Variants in AIG1 observed in about 807,000 individuals in gnomAD.
The protein encoded by AIG1 is androgen-induced gene 1 protein.
Under a neutral mutation model 31.4 loss-of-function variants are expected in AIG1, and 23 were observed. The observed-to-expected ratio is 0.73, with a 90% CI of 0.53 to 1.04. The LOEUF (loss-of-function observed/expected upper bound fraction) is 1.04, where lower values mean the gene tolerates loss of function less well. Among genes scored for constraint, AIG1 ranks in the 50% least tolerant of loss-of-function variants. The probability of loss-of-function intolerance (pLI) is 0.00; values close to 1 mark genes in which losing one functional copy is unlikely to be tolerated. For missense variants in AIG1, 274 were observed against 295.0 expected (o/e 0.93, Z 0.52); for synonymous variants, 100 against 110.5 (o/e 0.90, Z 0.60).
chr6:143,177,670 T>C (rs544353130), intron 3 of AIG1, among the ~76,000 whole-genome samples: 3 of 152,206 alleles, frequency 2.0e-5, no homozygotes, highest in South Asian at 4.1e-4. Flanking sequence ...CAGATCAGTT[T>C]GGGGGCTCCG....
intron 1 of AIG1, among the ~76,000 whole-genome samples, chr6:143,098,668 A>G (rs1188291506): frequency 6.6e-6 from 1 of 152,216 alleles, no homozygotes; most frequent in African/African-American, 2.4e-5. Context: ...CTTATGTTAA[A>G]AAACTTTTCT....
chr6:143,078,620 A>G (rs1176851258), intron 1 of AIG1, among the ~76,000 whole-genome samples: 3 of 152,202 alleles, frequency 2.0e-5, no homozygotes, highest in Non-Finnish European at 4.4e-5. Context: ...GGCAGGAAAG[A>G]CAGAATGAGA....
intron 1 of AIG1, among the ~76,000 whole-genome samples, chr6:143,121,693 G>T (rs1007833669): frequency 2.6e-5 from 4 of 152,178 alleles, no homozygotes; most frequent in Non-Finnish European, 4.4e-5. Context: ...TAAACCATAG[G>T]TATTTTATTT....
chr6:143,307,030 G>A (rs1236545320), intron 4 of AIG1, among the ~76,000 whole-genome samples: 5 of 152,014 alleles, frequency 3.3e-5, no homozygotes, highest in South Asian at 2.1e-4. Flanking sequence ...CGTAGTTCTC[G>A]AGCCTTGGCT....
intron 5 of AIG1, chr6:143,339,203 G>A (rs1309047726): frequency 6.6e-6 from 1 of 152,278 alleles, no homozygotes; most frequent in Non-Finnish European, 1.5e-5. Context: ...AAAATCCAAA[G>A]TCCTTGCCTT....
intron 2 of AIG1, among the ~76,000 whole-genome samples, chr6:143,151,032 A>G (rs921898500): frequency 6.6e-6 from 1 of 152,244 alleles, no homozygotes; most frequent in Non-Finnish European, 1.5e-5. Context: ...GAAAGATTGC[A>G]GACTCGTGGA....
chr6:143,218,815 C>T (rs1303804690), intron 3 of AIG1, among the ~76,000 whole-genome samples: 1 of 152,184 alleles, frequency 6.6e-6, no homozygotes, highest in East Asian at 1.9e-4. Context: ...CTTTCTGACC[C>T]CTGATTCCAT....
rs2128726888 is a variant in AIG1, at chr6:143,338,036, C to T, written c.680-1603C>T. On this transcript the variant is annotated intron_variant, in intron 5 of 5. Coordinates refer to ENST00000357847, the MANE Select transcript of AIG1 (RefSeq NM_016108.4). The surrounding 1 kb of genome is among the most constrained non-coding windows in gnomAD (Gnocchi z 4.3). ...CCTCTCTAGGTCAATGAATACCCCC[C>T]GTTCTCCACCCGCGCTTTTGAAGAT... is the stretch of plus-strand genomic sequence containing the variant. 1 of 398,662 alleles carries T rather than the reference C, an allele frequency of 2.5e-6. No homozygotes were observed. The highest frequency in any genetic ancestry group is 4.4e-6 in the Non-Finnish European group (1 of 226,100). 24.7% of individuals were successfully genotyped at this position (398,662 alleles called of 1,614,324 possible). A position where few individuals can be genotyped will look rare whatever the true frequency, so the allele number is the denominator to read the frequency against.
Position 143,292,872 on chromosome 6 carries a change from T to C in AIG1, c.515+8647T>C, listed in dbSNP as rs1176524543. ...TGTTCTGTTTATACGCTAGGAATAC[T>C]CCATCCTAAGAGAGCCTCAGCTTAG... On this transcript the variant is annotated intron_variant, in intron 4 of 5. Coordinates refer to ENST00000357847, the MANE Select transcript of AIG1 (RefSeq NM_016108.4). This position sits in a 1 kb window ranked among gnomAD's most constrained non-coding sequence, Gnocchi z 4.9. Among the ~76,000 whole-genome samples the C allele has an allele frequency of 6.6e-6, 1 of 152,180 alleles. No homozygotes were observed. Among genetic ancestry groups the C allele is most frequent in the Non-Finnish European group, 1.5e-5 (1 of 68,036 alleles).
At chr6:143,187,509 A>G (rs1789372919) in intron 3 of AIG1, 1 of 1,534,616 alleles carries the variant, frequency 6.5e-7, no homozygotes, top group Non-Finnish European at 8.7e-7. Context: ...ATCACTTACC[A>G]CATTTTTTAA....
At chr6:143,104,173 C>G (rs1234043207) in intron 1 of AIG1, among the ~76,000 whole-genome samples, 1 of 152,106 alleles carries the variant, frequency 6.6e-6, no homozygotes, top group African/African-American at 2.4e-5. Flanking sequence ...TCTTTGGGAC[C>G]TTTTTAATTT....
intron 3 of AIG1, among the ~76,000 whole-genome samples, chr6:143,277,977 A>G (rs748667473): frequency 1.2e-4 from 19 of 152,230 alleles, no homozygotes; most frequent in Non-Finnish European, 2.4e-4. Flanking sequence ...GATTTATACC[A>G]TCATGCAGCA....
chr6:143,061,377 G>A (rs978521954), intron 1 of AIG1: 8 of 482,562 alleles, frequency 1.7e-5, no homozygotes, highest in Non-Finnish European at 2.4e-5. Flanking sequence ...GCTTCTAAGA[G>A]GTGACACGGG....
At chr6:143,193,381 C>T (rs1377680999) in intron 3 of AIG1, among the ~76,000 whole-genome samples, 1 of 152,198 alleles carries the variant, frequency 6.6e-6, no homozygotes, top group Non-Finnish European at 1.5e-5. Context: ...TTTGTCTTGA[C>T]TTTCACCACC....
intron 3 of AIG1, among the ~76,000 whole-genome samples, chr6:143,207,598 A>G (rs1791224317): frequency 6.6e-6 from 1 of 152,044 alleles, no homozygotes; most frequent in African/African-American, 2.4e-5. Context: ...CTATATCCTC[A>G]TATCCAGGAG....
intron 3 of AIG1, among the ~76,000 whole-genome samples, chr6:143,274,034 C>G (rs534038862): frequency 6.6e-6 from 1 of 152,156 alleles, no homozygotes; most frequent in Non-Finnish European, 1.5e-5. Flanking sequence ...GAGGCTCTTG[C>G]TACCTGTGGG....
At position 143,170,583 on chromosome 6, in the gene AIG1, A is replaced by G. The variant is rs1787404329; in HGVS notation, c.399+5400A>G. On this transcript the variant is annotated intron_variant, in intron 3 of 5. Transcript: ENST00000357847. Reference sequence around the variant, plus strand: ...AGTTTTGCTTATCTTTTCCAAAAAAACAAGTTTTTTTTTTTTTGTTGATCT... The same window carrying G: ...AGTTTTGCTTATCTTTTCCAAAAAAGCAAGTTTTTTTTTTTTTGTTGATCT... 4.8e-5 allele frequency among the ~76,000 whole-genome samples: 5 copies of G among 103,552 alleles called. No individual in the cohort carries two copies. In the South Asian group the frequency reaches 1.6e-3, roughly 34 times the overall value. The allele number at this position is 103,552 out of a possible 152,430, so 67.9% of individuals were successfully genotyped here. A position where few individuals can be genotyped will look rare whatever the true frequency, so the allele number is the denominator to read the frequency against.
At chr6:143,213,145 G>A (rs1791722358) in intron 3 of AIG1, among the ~76,000 whole-genome samples, 1 of 152,142 alleles carries the variant, frequency 6.6e-6, no homozygotes, top group Non-Finnish European at 1.5e-5. Context: ...AGTGGAAATC[G>A]TTTTAATGTG....
At position 143,181,624 on chromosome 6, in the gene AIG1, G is replaced by C. The variant is rs1034043623; in HGVS notation, c.399+16441G>C. On this transcript the variant is annotated intron_variant, in intron 3 of 5. Coordinates refer to ENST00000357847, the MANE Select transcript of AIG1 (RefSeq NM_016108.4). ...CTATTGCCAATGATATTTTTTATTT[G>C]TTATTTTAACCAGAATATTATAAAC... Among the ~76,000 whole-genome samples the C allele has an allele frequency of 3.3e-5, 5 of 152,152 alleles. No individual in the cohort carries two copies. In the South Asian group the frequency reaches 1.0e-3, roughly 32 times the overall value.
Sources: allele counts gnomAD v4.1 joint callset (sites outside exome capture counted in the v4.1 genomes callset), GRCh38; gene constraint gnomAD v4.1.1; non-coding constraint Gnocchi (gnomAD v3.1); transcripts MANE v1.5; gene names NCBI Gene and HGNC (gene_info 2026-07-23, HGNC 2026-07-21).